ACOT12: variants seen among roughly 807,000 people sequenced by gnomAD.
ACOT12 encodes the protein acyl-CoA thioesterase 12.
Under a neutral mutation model 67.7 loss-of-function variants are expected in ACOT12, and 51 were observed. That is an observed-to-expected ratio of 0.75 (90% CI 0.60 to 0.95). The LOEUF is 0.95. Among genes scored for constraint, ACOT12 ranks in the 40% least tolerant of loss-of-function variants. The probability of loss-of-function intolerance (pLI) is 0.00; values close to 1 mark genes in which losing one functional copy is unlikely to be tolerated. For synonymous variants in ACOT12, 251 were observed against 244.6 expected (o/e 1.03, Z -0.24); for missense variants, 734 against 708.1 (o/e 1.04, Z -0.41).
chr5:81,350,624 C>G (rs1043871512), intron 5 of ACOT12, among the ~76,000 whole-genome samples: 1 of 152,220 alleles, frequency 6.6e-6, no homozygotes, highest in Non-Finnish European at 1.5e-5. Context: ...GCATTTGCAG[C>G]TGCAGATCCC....
the ACOT12 span, chr5:81,308,852 A>C: frequency 2.2e-6 from 3 of 1,384,328 alleles, no homozygotes; most frequent in Non-Finnish European, 2.9e-6. Flanking sequence ...AAGTTATGTA[A>C]ATATATTTTT....
intron 13 of ACOT12, among the ~76,000 whole-genome samples, chr5:81,331,633 C>A (rs756202421): frequency 1.4e-4 from 21 of 152,172 alleles, no homozygotes; most frequent in Admixed American, 1.4e-3. Context: ...AGTCCAATTG[C>A]GCTCCCATGC....
intron 5 of ACOT12, 156 bp downstream of exon 5, chr5:81,359,747 A>C: frequency 1.4e-6 from 1 of 716,118 alleles, no homozygotes; most frequent in Non-Finnish European, 2.1e-6. Flanking sequence ...CTCAATGGCC[A>C]GGTTTCTTCT....
At chr5:81,343,585 G>GA (rs1274984822) in intron 10 of ACOT12, among the ~76,000 whole-genome samples, 1 of 152,228 alleles carries the variant, frequency 6.6e-6, no homozygotes, top group African/African-American at 2.4e-5. Context: ...TCTGATGGCA[G>GA]AGCATCCTGA....
intron 11 of ACOT12, among the ~76,000 whole-genome samples, 198 bp downstream of exon 11, chr5:81,342,474 T>A (rs74780495): frequency 6.6e-6 from 1 of 152,088 alleles, no homozygotes; most frequent in African/African-American, 2.4e-5. Context: ...GGTAGGAGCA[T>A]GTTGGGTATA....
intron 2 of ACOT12, among the ~76,000 whole-genome samples, chr5:81,376,623 C>T (rs142992449): frequency 0.038 from 5,709 of 151,840 alleles, 316 homozygotes; most frequent in African/African-American, 0.12. Context: ...GAGAGAAGAA[C>T]CAAATAGACA....
At chr5:81,310,699 C>T in the ACOT12 span, among the ~76,000 whole-genome samples, 4 of 152,226 alleles carry the variant, frequency 2.6e-5, no homozygotes, top group African/African-American at 9.6e-5. Flanking sequence ...GGGTGCCTGG[C>T]CAGTGGAAGG....
the ACOT12 span, among the ~76,000 whole-genome samples, chr5:81,312,307 C>T: frequency 2.6e-5 from 4 of 152,180 alleles, no homozygotes; most frequent in Non-Finnish European, 5.9e-5. Context: ...CTCATCAGTT[C>T]GTGCATTGCA....
chr5:81,341,215 G>A (rs1196418789), intron 11 of ACOT12, among the ~76,000 whole-genome samples: 1 of 152,212 alleles, frequency 6.6e-6, no homozygotes, highest in Non-Finnish European at 1.5e-5. Context: ...AGTTAAACCT[G>A]TGTTTCTGCA....
At chr5:81,374,591 T>C (rs564539287) in intron 2 of ACOT12, among the ~76,000 whole-genome samples, 1 of 151,978 alleles carries the variant, frequency 6.6e-6, no homozygotes, top group Admixed American at 6.5e-5. Flanking sequence ...CTAAGAACCT[T>C]GAAAAAAGGT....
At chr5:81,334,379 A>G (rs1758929207) in intron 12 of ACOT12, among the ~76,000 whole-genome samples, 1 of 152,132 alleles carries the variant, frequency 6.6e-6, no homozygotes, top group Non-Finnish European at 1.5e-5. Context: ...TCAACCCTAG[A>G]TGCTGCCGTG....
At chr5:81,390,966 T>C (rs1760846792) in intron 1 of ACOT12, among the ~76,000 whole-genome samples, 1 of 152,220 alleles carries the variant, frequency 6.6e-6, no homozygotes, top group Non-Finnish European at 1.5e-5. Flanking sequence ...ATCCTAGCCA[T>C]TGTGAGTGAT....
intron 1 of ACOT12, among the ~76,000 whole-genome samples, chr5:81,387,755 A>G (rs535492725): frequency 1.3e-4 from 20 of 152,210 alleles, no homozygotes; most frequent in Middle Eastern, 6.8e-3. Context: ...ATTTTGCCCA[A>G]GCTGGTCCCA....
At chr5:81,325,766 T>C (rs1758658896), downstream of ACOT12, among the ~76,000 whole-genome samples, 3 of 152,124 alleles carry the variant, frequency 2.0e-5, no homozygotes, top group Non-Finnish European at 4.4e-5. Context: ...AATCTGGAGA[T>C]GGTTTACTGT....
intron 3 of ACOT12, among the ~76,000 whole-genome samples, chr5:81,364,297 A>G (rs924156672): frequency 6.6e-6 from 1 of 151,094 alleles, no homozygotes; most frequent in Non-Finnish European, 1.5e-5. Context: ...CATAATACAT[A>G]CACATATATA....
intron 4 of ACOT12, 72 bp downstream of exon 4, chr5:81,363,716 A>G: frequency 1.8e-6 from 2 of 1,137,524 alleles, no homozygotes; most frequent in Non-Finnish European, 2.5e-6. Context: ...ATTTTTTTCT[A>G]TAACATTCTG....
intron 3 of ACOT12, 148 bp downstream of exon 3, chr5:81,371,602 T>C: frequency 1.4e-6 from 1 of 732,372 alleles, no homozygotes; most frequent in Non-Finnish European, 2.2e-6. Context: ...GCTTATTATT[T>C]ACCTGTGACC....
chr5:81,310,434 C>T, the ACOT12 span, among the ~76,000 whole-genome samples: 1 of 151,414 alleles, frequency 6.6e-6, no homozygotes, highest in Admixed American at 6.6e-5. Context: ...GGTGGGTTTC[C>T]ACATTTGCAT....
intron 5 of ACOT12, among the ~76,000 whole-genome samples, chr5:81,351,474 G>A (rs1221372277): frequency 2.0e-5 from 3 of 152,156 alleles, no homozygotes; most frequent in African/African-American, 7.2e-5. Context: ...ACTCATATTT[G>A]ACAAAGGTGC....
Sources: allele counts gnomAD v4.1 joint callset (sites outside exome capture counted in the v4.1 genomes callset), GRCh38; gene constraint gnomAD v4.1.1; transcripts MANE v1.5; gene names NCBI Gene and HGNC (gene_info 2026-07-23, HGNC 2026-07-21).